NFIB: variants seen among roughly 807,000 people sequenced by gnomAD.
NFIB encodes nuclear factor I B.
NFIB carries 11 observed loss-of-function variants against 61.5 expected under a neutral mutation model. The observed-to-expected ratio is 0.18, with a 90% CI of 0.11 to 0.30. The LOEUF is 0.30. NFIB is among the 10% of genes least tolerant of loss of function. The pLI is 1.00. For synonymous variants in NFIB, 260 were observed against 216.5 expected (o/e 1.20, Z -1.76); for missense variants, 471 against 608.9 (o/e 0.77, Z 2.38).
intron 6 of NFIB, among the ~76,000 whole-genome samples, chr9:14,143,308 G>C (rs780643605): frequency 6.6e-6 from 1 of 151,762 alleles, no homozygotes; most frequent in Non-Finnish European, 1.5e-5. Flanking sequence ...TTAATATTTT[G>C]CCTGATTTAT....
intron 1 of NFIB, among the ~76,000 whole-genome samples, chr9:14,396,604 T>C (rs140685097): frequency 6.6e-6 from 1 of 152,140 alleles, no homozygotes; most frequent in Admixed American, 6.5e-5. Flanking sequence ...GTGGGAAAAA[T>C]TGGCACACCC....
intron 2 of NFIB, among the ~76,000 whole-genome samples, chr9:14,254,485 A>G (rs1293028610): frequency 2.0e-5 from 3 of 152,170 alleles, no homozygotes; most frequent in African/African-American, 7.2e-5. Context: ...TCCACCAGAC[A>G]TAAGCACATA....
At chr9:14,289,139 T>C (rs6474828) in intron 2 of NFIB, among the ~76,000 whole-genome samples, 113,243 of 143,658 alleles carry the variant, frequency 0.79, 46,009 homozygotes, top group Non-Finnish European at 0.9. Context: ...TATATATATA[T>C]ACATATATAT....
intron 2 of NFIB, among the ~76,000 whole-genome samples, chr9:14,278,621 T>C (rs1563969362): frequency 6.6e-6 from 1 of 152,160 alleles, no homozygotes; most frequent in Non-Finnish European, 1.5e-5. Context: ...ACATGAACAA[T>C]GAATGTGGGC....
At chr9:14,121,576 T>A (rs1248181059) in intron 7 of NFIB, among the ~76,000 whole-genome samples, 2 of 152,206 alleles carry the variant, frequency 1.3e-5, no homozygotes, top group Non-Finnish European at 2.9e-5. Flanking sequence ...GAAACTCTCC[T>A]AATGAAAATG....
At chr9:14,092,226 A>C (rs1399637159) in intron 10 of NFIB, among the ~76,000 whole-genome samples, 1 of 152,068 alleles carries the variant, frequency 6.6e-6, no homozygotes, top group African/African-American at 2.4e-5. Flanking sequence ...AAGATATAGC[A>C]GTTGATGTGG....
intron 2 of NFIB, among the ~76,000 whole-genome samples, chr9:14,182,176 A>G (rs2046851402): frequency 1.3e-5 from 2 of 152,176 alleles, no homozygotes; most frequent in Non-Finnish European, 1.5e-5. Flanking sequence ...GAAAAAATAT[A>G]CTTACTAAAA....
intron 2 of NFIB, among the ~76,000 whole-genome samples, chr9:14,203,326 A>G (rs1441707331): frequency 6.6e-6 from 1 of 152,202 alleles, no homozygotes; most frequent in African/African-American, 2.4e-5. Context: ...TGTGTTTCAT[A>G]AACTGTACTC....
chr9:14,491,269 A>G, the NFIB span, among the ~76,000 whole-genome samples: 1 of 152,190 alleles, frequency 6.6e-6, no homozygotes, highest in Non-Finnish European at 1.5e-5. Flanking sequence ...AATTATTGAA[A>G]GAGTGCACAT....
At chr9:14,321,563 A>G (rs568375055) in intron 1 of NFIB, among the ~76,000 whole-genome samples, 35 of 152,356 alleles carry the variant, frequency 2.3e-4, no homozygotes, top group African/African-American at 8.4e-4. Flanking sequence ...CCTACAAGGT[A>G]GAACTAAAGT....
chr9:14,239,752 A>C (rs978586744), intron 2 of NFIB, among the ~76,000 whole-genome samples: 1 of 152,196 alleles, frequency 6.6e-6, no homozygotes, highest in Non-Finnish European at 1.5e-5. Context: ...ATCTACAAAA[A>C]GTACAAATTA....
At chr9:14,459,996 G>C in the NFIB span, among the ~76,000 whole-genome samples, 1,994 of 152,134 alleles carry the variant, frequency 0.013, 29 homozygotes, top group East Asian at 0.05. Flanking sequence ...AATACCATTT[G>C]ACCCAGCCAT....
At chr9:14,376,617 A>G (rs1352741165) in intron 1 of NFIB, among the ~76,000 whole-genome samples, 1 of 151,526 alleles carries the variant, frequency 6.6e-6, no homozygotes, top group Non-Finnish European at 1.5e-5. Context: ...CCCAGGTTCA[A>G]GTGATTCTCC....
At chr9:14,239,856 A>C (rs939442492) in intron 2 of NFIB, among the ~76,000 whole-genome samples, 5 of 152,178 alleles carry the variant, frequency 3.3e-5, no homozygotes, top group African/African-American at 9.6e-5. Flanking sequence ...AGAGTGCAAG[A>C]GTTTATATGT....
chr9:14,129,071 G>T (rs2040064242), intron 6 of NFIB, among the ~76,000 whole-genome samples: 2 of 152,046 alleles, frequency 1.3e-5, no homozygotes, highest in African/African-American at 4.8e-5. Context: ...GTTCATAGAG[G>T]ATTATACAGA....
chr9:14,172,154 T>C (rs2045635258), intron 3 of NFIB, among the ~76,000 whole-genome samples: 1 of 152,124 alleles, frequency 6.6e-6, no homozygotes, highest in Non-Finnish European at 1.5e-5. Context: ...GGACAGAAGC[T>C]GAGAAGAAAT....
chr9:14,264,932 C>T (rs1186908470), intron 2 of NFIB, among the ~76,000 whole-genome samples: 2 of 152,030 alleles, frequency 1.3e-5, no homozygotes, highest in Non-Finnish European at 2.9e-5. Flanking sequence ...TGCCTGACAC[C>T]CGTCTACTCA....
intron 2 of NFIB, among the ~76,000 whole-genome samples, chr9:14,264,210 A>G (rs1466415043): frequency 2.0e-5 from 3 of 151,910 alleles, no homozygotes; most frequent in African/African-American, 7.2e-5. Context: ...AGATATCCCT[A>G]CTAAGACTAG....
the NFIB span, among the ~76,000 whole-genome samples, chr9:14,508,694 C>G: frequency 6.6e-6 from 1 of 152,174 alleles, no homozygotes; most frequent in African/African-American, 2.4e-5. Flanking sequence ...CCAGGATGGT[C>G]CGGCTACATG....
Sources: gnomAD v4.1 joint callset for allele counts (sites outside exome capture counted in the v4.1 genomes callset) on GRCh38, gnomAD v4.1.1 for gene constraint, MANE v1.5 for transcripts, NCBI Gene and HGNC (gene_info 2026-07-23, HGNC 2026-07-21) for gene names.